The following PC variants were observed in gnomAD, a reference collection of about 807,000 sequenced individuals.
The protein encoded by PC is pyruvate carboxylase, mitochondrial.
In PC, 46 loss-of-function variants were observed where a neutral mutation model predicts 107.8. The observed-to-expected ratio is 0.43, with a 90% CI of 0.34 to 0.55. The LOEUF is 0.55. Ranked by LOEUF, PC falls within the 20% of genes least tolerant of loss-of-function variation. PC has a pLI of 0.04. For synonymous variants in PC, 662 were observed against 684.7 expected, an observed-to-expected ratio of 0.97 and a Z score of 0.52; for missense variants, 1,241 against 1,643.1, an observed-to-expected ratio of 0.76 and a Z score of 4.23.
chr11:66,848,872 T>G lies in PC; in HGVS notation c.*27A>C. The G allele has an allele frequency of 6.2e-7, 1 of 1,613,162 alleles. No homozygotes were observed. Among genetic ancestry groups the G allele is most frequent in the Non-Finnish European group, 8.5e-7 (1 of 1,179,992 alleles). On this transcript the variant is annotated 3_prime_UTR_variant, in exon 23 of 23. Coordinates refer to ENST00000393960, the MANE Select transcript of PC (RefSeq NM_001040716.2). ...ACAGCTTCTGTTGAAGGCTTGGGGATGGCCAGGCTGCCGGTCTGGGGCAAG... is the reference window on the plus strand; with the variant it reads ...ACAGCTTCTGTTGAAGGCTTGGGGAGGGCCAGGCTGCCGGTCTGGGGCAAG...
chr11:66,855,826 C>G (rs967184867), intron 12 of PC, among the ~76,000 whole-genome samples: 2 of 152,354 alleles, frequency 1.3e-5, no homozygotes, highest in South Asian at 4.1e-4. Context: ...TCCAACTCTC[C>G]TGGCCTACAG....
chr11:66,885,354 G>A (rs1337378239), intron 3 of PC, among the ~76,000 whole-genome samples: 1 of 152,106 alleles, frequency 6.6e-6, no homozygotes, highest in East Asian at 1.9e-4. Context: ...GCCAGGTGTG[G>A]TGGTGGCTGC....
At chr11:66,862,436 G>GC (rs1375980401) in intron 12 of PC, among the ~76,000 whole-genome samples, 3 of 152,174 alleles carry the variant, frequency 2.0e-5, no homozygotes, top group Admixed American at 6.5e-5. Flanking sequence ...CGGCCCACAT[G>GC]CCCCCCCATC....
chr11:66,904,622 A>G (rs897998298), intron 3 of PC, among the ~76,000 whole-genome samples: 13 of 152,248 alleles, frequency 8.5e-5, no homozygotes, highest in African/African-American at 3.1e-4. Flanking sequence ...TGGGTGACAG[A>G]GCGAGACCCT....
At chr11:66,856,999 C>T (rs1435285275) in intron 12 of PC, 2 of 146,768 alleles carry the variant, frequency 1.4e-5, no homozygotes, top group Non-Finnish European at 3.0e-5. Context: ...GGCCCGGGCC[C>T]GGGTGGATCC....
chr11:66,920,088 C>G (rs910006424), intron 3 of PC, among the ~76,000 whole-genome samples: 10 of 152,134 alleles, frequency 6.6e-5, no homozygotes, highest in Non-Finnish European at 1.0e-4. Context: ...TAATCAAACA[C>G]AGAGAGAAGG....
Position 66,850,937 on chromosome 11 carries a change from G to C in PC, c.2224-14C>G, listed in dbSNP as rs780315450. The stretch of plus-strand genomic sequence containing the variant: ...CCCGGCCATGTCCTGGGGGAAGTGG[G>C]AGAGAGAGAGAGAGAGATGGTAGAG... On this transcript the variant is annotated splice_polypyrimidine_tract_variant and intron_variant, in intron 17 of 22. Transcript: ENST00000393960. 1 of 1,217,886 alleles carries C rather than the reference G, an allele frequency of 8.2e-7. No individual in the cohort carries two copies. Among genetic ancestry groups the C allele is most frequent in the Non-Finnish European group, 1.1e-6 (1 of 912,532 alleles). The allele number at this position is 1,217,886 out of a possible 1,614,324, so 75.4% of individuals were successfully genotyped here. A position where few individuals can be genotyped will look rare whatever the true frequency, so the allele number is the denominator to read the frequency against.
intron 12 of PC, chr11:66,859,799 C>T (rs1207099992): frequency 3.8e-6 from 6 of 1,594,128 alleles, no homozygotes; most frequent in Non-Finnish European, 5.1e-6. Context: ...CGGCCTCGCC[C>T]CTGTGCCACG....
At chr11:66,906,800 T>C (rs939000731) in intron 3 of PC, among the ~76,000 whole-genome samples, 1 of 152,204 alleles carries the variant, frequency 6.6e-6, no homozygotes, top group Non-Finnish European at 1.5e-5. Context: ...GAAAAGGTTT[T>C]CTTCAAAATG....
At chr11:66,904,645 A>AC (rs1327162748) in intron 3 of PC, among the ~76,000 whole-genome samples, 1 of 152,242 alleles carries the variant, frequency 6.6e-6, no homozygotes, top group Non-Finnish European at 1.5e-5. Context: ...CTCAAAACAC[A>AC]CACACACACA....
chr11:66,852,820 G>A lies in PC; in HGVS notation c.1530C>T (p.Asn510=), dbSNP rs755162836. The A allele has an allele frequency of 4.4e-5, 70 of 1,573,702 alleles. No individual in the cohort carries two copies. The highest frequency in any genetic ancestry group is 1.8e-4 in the East Asian group (8 of 44,388). ...TGACGGGAATCGGGGTGGTTGGACC[G>A]TTTACCATGACATGGCCTGGGGAGA... ...LLHYLGHVMV[N]GPTTPIPVKA... The change falls in exon 14 of 23, where the codon AAC becomes AAT. Residue 510 remains asparagine, a synonymous_variant. Coordinates refer to ENST00000393960, the MANE Select transcript of PC (RefSeq NM_001040716.2). This position sits in a 1 kb window ranked among gnomAD's most constrained non-coding sequence, Gnocchi z 4.7.
At position 66,870,553 on chromosome 11, in the gene PC, G is replaced by A; in HGVS notation, c.752-100C>T. ...TAACCACTGTCGCCAGTCAGTGCCG[G>A]CTGCCAGCGGTACAGAGGCTGCCAG... On this transcript the variant is annotated intron_variant, in intron 8 of 22. Coordinates refer to ENST00000393960, the MANE Select transcript of PC (RefSeq NM_001040716.2). This position sits in a 1 kb window ranked among gnomAD's most constrained non-coding sequence, Gnocchi z 6.1. 1 of 1,387,258 alleles carries A rather than the reference G, an allele frequency of 7.2e-7. No individual in the cohort carries two copies. The highest frequency in any genetic ancestry group is 2.3e-5 in the East Asian group (1 of 42,662). 85.9% of individuals were successfully genotyped at this position (1,387,258 alleles called of 1,614,324 possible). A position where few individuals can be genotyped will look rare whatever the true frequency, so the allele number is the denominator to read the frequency against.
intron 12 of PC, among the ~76,000 whole-genome samples, chr11:66,863,205 T>TG (rs1180944694): frequency 2.6e-5 from 4 of 152,040 alleles, no homozygotes; most frequent in African/African-American, 9.6e-5. Context: ...CCGGGCGTGG[T>TG]GGGGGGCACC....
rs375657263 is a variant in PC at position 66,850,930 on chromosome 11, G to C, written c.2224-7C>G. ...TCAGCAGCCCGGCCATGTCCTGGGG[G>C]AAGTGGGAGAGAGAGAGAGAGAGAT... On this transcript the variant is annotated splice_polypyrimidine_tract_variant and splice_region_variant and intron_variant, in intron 17 of 22. Coordinates refer to ENST00000393960, the MANE Select transcript of PC (RefSeq NM_001040716.2). The C allele has an allele frequency of 2.2e-5, 36 of 1,608,070 alleles. No homozygotes were observed. The African/African-American group carries it at 4.3e-4, about 19-fold the overall frequency.
At chr11:66,862,780 C>T (rs1397724722) in intron 12 of PC, among the ~76,000 whole-genome samples, 1 of 152,194 alleles carries the variant, frequency 6.6e-6, no homozygotes, top group Non-Finnish European at 1.5e-5. Flanking sequence ...ATTTAGAGTC[C>T]TCATGCCAGG....
intron 3 of PC, among the ~76,000 whole-genome samples, chr11:66,875,629 G>A (rs980473093): frequency 2.6e-5 from 4 of 152,154 alleles, no homozygotes; most frequent in African/African-American, 9.6e-5. Context: ...AGAAGCGAGC[G>A]GCTCTCAGGA....
At chr11:66,942,873 G>A (rs1444103682) in intron 3 of PC, among the ~76,000 whole-genome samples, 5 of 151,876 alleles carry the variant, frequency 3.3e-5, no homozygotes, top group Non-Finnish European at 4.4e-5. Context: ...AAAATTAGCT[G>A]GGTCTGGTGG....
Position 66,871,641 on chromosome 11 carries a change from CTCCCTGG to C in PC, c.321+39_321+45del. ...CAAGAGACCCCCGCGGCAACTAAGA[CTCCCTGG>C]TCCCTGCTGTCCAGGCCCAGCCAGG... On this transcript the variant is annotated intron_variant, in intron 5 of 22. Coordinates refer to ENST00000393960, the MANE Select transcript of PC (RefSeq NM_001040716.2). The surrounding 1 kb of genome is among the most constrained non-coding windows in gnomAD (Gnocchi z 7.4). 1 of 1,562,562 alleles carries C rather than the reference CTCCCTGG, an allele frequency of 6.4e-7. No individual in the cohort carries two copies. Among genetic ancestry groups the C allele is most frequent in the Non-Finnish European group, 8.7e-7 (1 of 1,152,546 alleles).
Position 66,850,245 on chromosome 11 carries a change from T to A in PC, c.2693A>T (p.Asn898Ile). ...KEVKKAYVEA[N>I]QMLGDLIKVT... Reference sequence around the variant, plus strand: ...CTTGATGAGATCGCCCAGCATCTGGTTGGCCTCCACATAGGCCTTCTTGAC... The same window carrying A: ...CTTGATGAGATCGCCCAGCATCTGGATGGCCTCCACATAGGCCTTCTTGAC... Residue 898 changes from asparagine to isoleucine, a missense_variant, in exon 19 of 23, where the codon AAC becomes ATC. Around this residue, in one of 2 missense-constraint regions of PC, gnomAD observed 1,143 missense variants for 1,551.9 expected, o/e 0.74. Coordinates refer to ENST00000393960, the MANE Select transcript of PC (RefSeq NM_001040716.2). 1 of 1,614,064 alleles carries A rather than the reference T, an allele frequency of 6.2e-7. No homozygotes were observed. Among genetic ancestry groups the A allele is most frequent in the African/African-American group, 1.3e-5 (1 of 75,036 alleles).
Sources: gnomAD v4.1 joint callset for allele counts (sites outside exome capture counted in the v4.1 genomes callset) on GRCh38, gnomAD v4.1.1 for gene constraint, gnomAD v4.1.1 regional missense constraint, Gnocchi (gnomAD v3.1) non-coding constraint, MANE v1.5 for transcripts, NCBI Gene and HGNC (gene_info 2026-07-23, HGNC 2026-07-21) for gene names.